Variants in AUTS2 observed in about 807,000 individuals in gnomAD.
AUTS2 encodes the protein autism susceptibility gene 2 protein.
Under a neutral mutation model 112.4 loss-of-function variants are expected in AUTS2, and 17 were observed. That is an observed-to-expected ratio of 0.15 (90% CI 0.10 to 0.23). The LOEUF (loss-of-function observed/expected upper bound fraction) is 0.23, where lower values mean the gene tolerates loss of function less well. Ranked by LOEUF, AUTS2 falls within the 10% of genes least tolerant of loss-of-function variation. The pLI, the probability that AUTS2 is intolerant of heterozygous loss-of-function variation, is 1.00. For synonymous variants in AUTS2, 751 were observed against 702.7 expected, an observed-to-expected ratio of 1.07 and a Z score of -1.09; for missense variants, 1,510 against 1,701.6, an observed-to-expected ratio of 0.89 and a Z score of 1.98.
intron 4 of AUTS2, among the ~76,000 whole-genome samples, chr7:70,388,103 T>C (rs1052368543): frequency 6.6e-6 from 1 of 152,220 alleles, no homozygotes; most frequent in Admixed American, 6.5e-5. Context: ...TATTCTTTTA[T>C]CTAAAATGAT....
intron 2 of AUTS2, among the ~76,000 whole-genome samples, chr7:69,927,049 A>T (rs1379310100): frequency 6.8e-6 from 1 of 147,856 alleles, no homozygotes; most frequent in Non-Finnish European, 1.5e-5. Flanking sequence ...CAAAAGAGAT[A>T]AAATGATATG....
chr7:69,640,981 A>G (rs1794775226), intron 1 of AUTS2, among the ~76,000 whole-genome samples: 1 of 152,150 alleles, frequency 6.6e-6, no homozygotes, highest in Non-Finnish European at 1.5e-5. Context: ...TGGGTGGTAG[A>G]GAGATTGAAG....
intron 3 of AUTS2, among the ~76,000 whole-genome samples, chr7:70,125,271 GTGTGTGTGTGTGTGTT>G (rs1260807762): frequency 1.4e-5 from 2 of 141,648 alleles, no homozygotes; most frequent in African/African-American, 2.7e-5. Flanking sequence ...GTGTGTGTGT[GTGTGTGTGTGTGTGTT>G]TTTAATGTTT....
chr7:70,326,549 G>A (rs959759612), intron 4 of AUTS2, among the ~76,000 whole-genome samples: 1 of 152,200 alleles, frequency 6.6e-6, no homozygotes, highest in African/African-American at 2.4e-5. Context: ...CAGCTGACTT[G>A]GGCTAAGGTT....
chr7:70,271,060 T>C (rs187898841), intron 4 of AUTS2, among the ~76,000 whole-genome samples: 4 of 152,002 alleles, frequency 2.6e-5, no homozygotes, highest in Non-Finnish European at 5.9e-5. Flanking sequence ...CACCCCGGAG[T>C]TCAGGCTTCT....
intron 2 of AUTS2, among the ~76,000 whole-genome samples, chr7:69,975,203 C>A (rs919945656): frequency 1.3e-5 from 2 of 151,956 alleles, no homozygotes; most frequent in African/African-American, 4.8e-5. Flanking sequence ...TTTCTTCTGG[C>A]CTTCAGGGTT....
chr7:70,244,530 T>G (rs1812796840), intron 4 of AUTS2, among the ~76,000 whole-genome samples: 1 of 152,210 alleles, frequency 6.6e-6, no homozygotes, highest in African/African-American at 2.4e-5. Context: ...GATTCAATAG[T>G]AAAGATGCTC....
At chr7:69,778,239 T>TA (rs1460723352) in intron 1 of AUTS2, among the ~76,000 whole-genome samples, 1 of 75,170 alleles carries the variant, frequency 1.3e-5, no homozygotes. Context: ...TATATATATA[T>TA]ATATATATTT....
chr7:69,671,998 A>AG lies in AUTS2; in HGVS notation c.309+72043dup, dbSNP rs369017470. 2.8e-3 allele frequency among the ~76,000 whole-genome samples: 418 copies of AG among 151,738 alleles called. 3 individuals are homozygous for AG. Among genetic ancestry groups the AG allele is most frequent in the African/African-American group, 9.3e-3 (384 of 41,402 alleles). On this transcript the variant is annotated intron_variant, in intron 1 of 18. Coordinates refer to ENST00000342771, the MANE Select transcript of AUTS2 (RefSeq NM_015570.4). Reference sequence around the variant, plus strand: ...AGGCAGGGTCTGAGGCAGTAGGTTGAGGGGGGGTCCCATATTCAGCTTCCC... The same window carrying AG: ...AGGCAGGGTCTGAGGCAGTAGGTTGAGGGGGGGGTCCCATATTCAGCTTCCC...
chr7:70,107,357 T>G (rs76674376), intron 2 of AUTS2, among the ~76,000 whole-genome samples: 1 of 147,290 alleles, frequency 6.8e-6, no homozygotes, highest in African/African-American at 2.5e-5. Context: ...TTTTTTTTTT[T>G]TCTTTGAGAC....
chr7:70,114,770 C>T (rs1411492033), intron 2 of AUTS2, among the ~76,000 whole-genome samples: 1 of 151,586 alleles, frequency 6.6e-6, no homozygotes, highest in East Asian at 1.9e-4. Context: ...CATTGCACTC[C>T]AGCCTGGGCA....
chr7:69,737,296 ATG>A (rs1787073020), intron 1 of AUTS2, among the ~76,000 whole-genome samples: 1 of 152,150 alleles, frequency 6.6e-6, no homozygotes, highest in Non-Finnish European at 1.5e-5. Context: ...AATGCTATTA[ATG>A]TACCAAGTAC....
intron 5 of AUTS2, among the ~76,000 whole-genome samples, chr7:70,456,446 G>A (rs1475205979): frequency 1.3e-5 from 2 of 152,246 alleles, no homozygotes; most frequent in African/African-American, 4.8e-5. Context: ...AAATTCTGTT[G>A]TCATTTAGCA....
chr7:70,551,936 T>C (rs901068027), intron 5 of AUTS2, among the ~76,000 whole-genome samples: 2 of 152,236 alleles, frequency 1.3e-5, no homozygotes, highest in Non-Finnish European at 2.9e-5. Flanking sequence ...TAGCATCAAT[T>C]ATCTGGAAAA....
intron 5 of AUTS2, among the ~76,000 whole-genome samples, chr7:70,442,168 T>C (rs967613230): frequency 1.3e-5 from 2 of 152,204 alleles, no homozygotes; most frequent in African/African-American, 4.8e-5. Context: ...TGTTCTTGTC[T>C]TTATATCCCT....
intron 2 of AUTS2, among the ~76,000 whole-genome samples, chr7:70,036,663 G>C (rs1469878047): frequency 6.6e-6 from 1 of 152,214 alleles, no homozygotes; most frequent in East Asian, 1.9e-4. Flanking sequence ...GAGACCTTCA[G>C]ATAGCAGATG....
chr7:70,554,607 T>A (rs964842228), intron 5 of AUTS2, among the ~76,000 whole-genome samples: 1 of 152,094 alleles, frequency 6.6e-6, no homozygotes, highest in Non-Finnish European at 1.5e-5. Flanking sequence ...TGCCCCAGGA[T>A]AGTCTGGCCT....
intron 5 of AUTS2, among the ~76,000 whole-genome samples, chr7:70,604,049 G>A (rs966512737): frequency 7.9e-5 from 12 of 152,136 alleles, no homozygotes; most frequent in African/African-American, 2.7e-4. Flanking sequence ...CAAACACACC[G>A]TGACCCGGTG....
intron 4 of AUTS2, among the ~76,000 whole-genome samples, chr7:70,337,567 T>A (rs1399347315): frequency 6.6e-6 from 1 of 152,174 alleles, no homozygotes; most frequent in Non-Finnish European, 1.5e-5. Context: ...TGTGCTATAG[T>A]TTTCTCAAAG....
Sources: gnomAD v4.1 joint callset for allele counts (sites outside exome capture counted in the v4.1 genomes callset) on GRCh38, gnomAD v4.1.1 for gene constraint, MANE v1.5 for transcripts, NCBI Gene and HGNC (gene_info 2026-07-23, HGNC 2026-07-21) for gene names.